GINM1: variants seen among roughly 807,000 people sequenced by gnomAD.
GINM1 encodes glycoprotein integral membrane protein 1.
Under a neutral mutation model 37.8 loss-of-function variants are expected in GINM1, and 29 were observed. That is an observed-to-expected ratio of 0.77 (90% CI 0.57 to 1.05). GINM1 has a LOEUF of 1.05. Ranked by LOEUF, GINM1 falls within the 50% of genes least tolerant of loss-of-function variation. The pLI is 0.00. For missense variants in GINM1, 377 were observed against 397.9 expected (o/e 0.95, Z 0.45); for synonymous variants, 143 against 146.2 (o/e 0.98, Z 0.16).
intron 5 of GINM1, among the ~76,000 whole-genome samples, chr6:149,580,216 G>C (rs1777979058): frequency 6.6e-6 from 1 of 152,170 alleles, no homozygotes; most frequent in Non-Finnish European, 1.5e-5. Flanking sequence ...AGCATTAGTA[G>C]AATGTGATCA....
intron 7 of GINM1, among the ~76,000 whole-genome samples, chr6:149,588,607 T>C (rs1241469263): frequency 6.6e-6 from 1 of 152,136 alleles, no homozygotes; most frequent in Non-Finnish European, 1.5e-5. Context: ...TATCTTAAAA[T>C]TATGGGGCTT....
intron 1 of GINM1, among the ~76,000 whole-genome samples, chr6:149,567,312 G>A (rs550498569): frequency 9.2e-5 from 14 of 152,322 alleles, no homozygotes; most frequent in Non-Finnish European, 1.9e-4. Context: ...CAGTAGAATG[G>A]TAGGGAAAAG....
At chr6:149,587,159 G>T (rs1363552146) in intron 7 of GINM1, among the ~76,000 whole-genome samples, 1 of 152,128 alleles carries the variant, frequency 6.6e-6, no homozygotes, top group Non-Finnish European at 1.5e-5. Flanking sequence ...TTCTAAAGGA[G>T]ATAGGAAAAA....
rs1777819198 is a variant in GINM1, at chr6:149,571,337, G to A, written c.121-948G>A. 1.3e-5 allele frequency among the ~76,000 whole-genome samples: 2 copies of A among 150,880 alleles called. 1 individual carries two copies. The highest frequency in any genetic ancestry group is 4.2e-4 in the South Asian group (2 of 4,802). On this transcript the variant is annotated intron_variant, in intron 1 of 7. Coordinates refer to ENST00000367419, the MANE Select transcript of GINM1 (RefSeq NM_138785.5). Reference sequence around the variant, plus strand: ...CAAAAAAAAAAAAAAAAAAGTCATTGCAACTTTATTTATAAAAGGAAAAAA... The same window carrying A: ...CAAAAAAAAAAAAAAAAAAGTCATTACAACTTTATTTATAAAAGGAAAAAA...
At chr6:149,581,926 G>A (rs1224199492) in intron 6 of GINM1, 20 of 427,648 alleles carry the variant, frequency 4.7e-5, no homozygotes, top group Non-Finnish European at 8.7e-5. Context: ...TTCATAGTCC[G>A]TGCCATCAGT....
At chr6:149,570,077 T>C (rs1261734108) in intron 1 of GINM1, among the ~76,000 whole-genome samples, 4 of 144,056 alleles carry the variant, frequency 2.8e-5, no homozygotes. Flanking sequence ...CTGGAAAATA[T>C]AGTGTGCTTG....
chr6:149,569,906 T>G (rs1195064308), intron 1 of GINM1, among the ~76,000 whole-genome samples: 1 of 151,778 alleles, frequency 6.6e-6, no homozygotes, highest in Non-Finnish European at 1.5e-5. Context: ...TATGCAACCC[T>G]GGCTTACGAG....
intron 7 of GINM1, among the ~76,000 whole-genome samples, chr6:149,583,171 A>T (rs971356625): frequency 1.3e-5 from 2 of 151,762 alleles, no homozygotes; most frequent in Non-Finnish European, 2.9e-5. Context: ...TACTAAAAAT[A>T]AAAAAAAATT....
rs574021137 is a variant in GINM1, at chr6:149,591,070, G to A, written c.*232G>A. ...AGGACTTTGGGAGGCCAATGCGGGC[G>A]GATCACGAGGTCAGATCAAGACCAT... On this transcript the variant is annotated 3_prime_UTR_variant, in exon 8 of 8. Coordinates refer to ENST00000367419, the MANE Select transcript of GINM1 (RefSeq NM_138785.5). The A allele has an allele frequency of 9.1e-5, 36 of 394,292 alleles. No homozygotes were observed. The Admixed American group carries it at 1.2e-3, about 13-fold the overall frequency. The allele number at this position is 394,292 out of a possible 1,614,324, so 24.4% of individuals were successfully genotyped here. A position where few individuals can be genotyped will look rare whatever the true frequency, so the allele number is the denominator to read the frequency against.
At chr6:149,569,097 G>A (rs1446925734) in intron 1 of GINM1, among the ~76,000 whole-genome samples, 1 of 151,992 alleles carries the variant, frequency 6.6e-6, no homozygotes, top group Non-Finnish European at 1.5e-5. Flanking sequence ...GCATGATCTC[G>A]GCTCACTGCA....
At chr6:149,584,403 T>C (rs1778042418) in intron 7 of GINM1, 1 of 152,234 alleles carries the variant, frequency 6.6e-6, no homozygotes, top group South Asian at 2.1e-4. Flanking sequence ...AAGACCTAAT[T>C]TGAACATTTA....
intron 7 of GINM1, among the ~76,000 whole-genome samples, chr6:149,587,128 A>G (rs913157587): frequency 3.3e-5 from 5 of 152,068 alleles, no homozygotes; most frequent in African/African-American, 1.2e-4. Flanking sequence ...TAGCTTACCT[A>G]TTCTTTTTAT....
At chr6:149,589,092 C>G (rs1778114985) in intron 7 of GINM1, among the ~76,000 whole-genome samples, 1 of 151,612 alleles carries the variant, frequency 6.6e-6, no homozygotes, top group South Asian at 2.1e-4. Context: ...GCGTGAGCCA[C>G]CGTGCCCAGC....
chr6:149,566,381 C>A lies in GINM1; in HGVS notation c.-34C>A. The A allele has an allele frequency of 6.7e-7, 1 of 1,496,246 alleles. No individual in the cohort carries two copies. Among genetic ancestry groups the A allele is most frequent in the East Asian group, 2.8e-5 (1 of 35,492 alleles). 92.7% of individuals were successfully genotyped at this position (1,496,246 alleles called of 1,614,324 possible). The stretch of plus-strand genomic sequence containing the variant: ...GCGGGCCGGCTCCGCCCTCACCTCC[C>A]GGCCGCGGCTGCCCTCTGCCCGGGT... On this transcript the variant is annotated 5_prime_UTR_variant, in exon 1 of 8. Transcript: ENST00000367419. This position sits in a 1 kb window ranked among gnomAD's most constrained non-coding sequence, Gnocchi z 4.4.
intron 1 of GINM1, among the ~76,000 whole-genome samples, chr6:149,569,776 T>C (rs565076295): frequency 3.3e-5 from 5 of 152,296 alleles, no homozygotes; most frequent in Admixed American, 1.3e-4. Flanking sequence ...CAGCTGTCTA[T>C]TACCTTTATT....
intron 1 of GINM1, among the ~76,000 whole-genome samples, chr6:149,570,659 T>C (rs1012166805): frequency 1.3e-5 from 2 of 152,212 alleles, no homozygotes; most frequent in Non-Finnish European, 2.9e-5. Flanking sequence ...TGGGAAATTA[T>C]ATATAAAGTA....
At chr6:149,578,525 CAAAAA>C (rs145601764) in intron 3 of GINM1, among the ~76,000 whole-genome samples, 67 of 71,424 alleles carry the variant, frequency 9.4e-4, no homozygotes, top group Non-Finnish European at 1.7e-3. Context: ...GACTCCATCT[CAAAAA>C]AAAAAAAAAA....
At chr6:149,579,786 G>T in intron 4 of GINM1, 48 bp from the exon 5 acceptor site, 2 of 1,216,648 alleles carry the variant, frequency 1.6e-6, no homozygotes. Flanking sequence ...ATTTTTATGG[G>T]GCTGTGCTAC....
At chr6:149,567,584 T>G (rs1370690187) in intron 1 of GINM1, among the ~76,000 whole-genome samples, 1 of 152,098 alleles carries the variant, frequency 6.6e-6, no homozygotes, top group Non-Finnish European at 1.5e-5. Context: ...GAGGTTGCAG[T>G]GAGCCGAGAT....
Sources: allele counts gnomAD v4.1 joint callset (sites outside exome capture counted in the v4.1 genomes callset), GRCh38; gene constraint gnomAD v4.1.1; non-coding constraint Gnocchi (gnomAD v3.1); transcripts MANE v1.5; gene names NCBI Gene and HGNC (gene_info 2026-07-23, HGNC 2026-07-21).